The following PRDM10 variants were observed in gnomAD, a reference collection of about 807,000 sequenced individuals.
PRDM10 encodes PR domain zinc finger protein 10.
PRDM10 carries 65 observed loss-of-function variants against 133.1 expected under a neutral mutation model. That is an observed-to-expected ratio of 0.49 (90% CI 0.40 to 0.60). The LOEUF is 0.60. Ranked by LOEUF, PRDM10 falls within the 20% of genes least tolerant of loss-of-function variation. The pLI is 0.00. For synonymous variants in PRDM10, 582 were observed against 580.4 expected, an observed-to-expected ratio of 1.00 and a Z score of -0.04; for missense variants, 1,137 against 1,507.1, an observed-to-expected ratio of 0.75 and a Z score of 4.07.
intron 13 of PRDM10, among the ~76,000 whole-genome samples, chr11:129,921,169 C>G (rs1950513606): frequency 6.6e-6 from 1 of 152,126 alleles, no homozygotes; most frequent in Non-Finnish European, 1.5e-5. Context: ...CAATGCTGCC[C>G]TCATGGAGCT....
chr11:129,985,147 T>C (rs1403954118), intron 1 of PRDM10, among the ~76,000 whole-genome samples: 1 of 152,132 alleles, frequency 6.6e-6, no homozygotes, highest in Non-Finnish European at 1.5e-5. Flanking sequence ...TATAGTGCAG[T>C]CTTCTGCTTA....
intron 7 of PRDM10, among the ~76,000 whole-genome samples, chr11:129,939,251 C>T (rs1951131849): frequency 6.6e-6 from 1 of 152,186 alleles, no homozygotes. Flanking sequence ...GGGTCTCAAA[C>T]ACAGTAAGAG....
chr11:129,906,310 C>T (rs1394682413), intron 19 of PRDM10, among the ~76,000 whole-genome samples: 1 of 152,112 alleles, frequency 6.6e-6, no homozygotes, highest in Non-Finnish European at 1.5e-5. Context: ...CGTGTCTTCC[C>T]AGCACACAAG....
rs373917620 is a variant in PRDM10 at position 129,972,027 on chromosome 11, G to A, written c.-118-10945C>T. ...GAGAAATCGAGTGCAGCGCCAGTGGGCCGGGACCCAGTACACCCTCCGCAG... is the reference window on the plus strand; with the variant it reads ...GAGAAATCGAGTGCAGCGCCAGTGGACCGGGACCCAGTACACCCTCCGCAG... On this transcript the variant is annotated intron_variant, in intron 1 of 20. Coordinates refer to ENST00000360871, the MANE Select transcript of PRDM10 (RefSeq NM_199437.2). Among the ~76,000 whole-genome samples the A allele has an allele frequency of 1.1e-4, 17 of 152,336 alleles. No homozygotes were observed. In the East Asian group the frequency reaches 1.9e-3, roughly 17 times the overall value.
At chr11:129,977,940 G>A (rs551368953) in intron 1 of PRDM10, among the ~76,000 whole-genome samples, 22 of 150,990 alleles carry the variant, frequency 1.5e-4, no homozygotes, top group Admixed American at 6.0e-4. Context: ...CAGCCTGGGC[G>A]ACAGAGTGAG....
chr11:129,914,770 C>T lies in PRDM10; in HGVS notation c.2775G>A (p.Val925=), dbSNP rs753210538. The change falls in exon 17 of 21, where the codon GTG becomes GTA. Residue 925 remains valine (V), a synonymous_variant. Coordinates refer to ENST00000360871, the MANE Select transcript of PRDM10 (RefSeq NM_199437.2). ...GDYQRIQYIP[V]SQSASGLQQP... Reference sequence around the variant, plus strand: ...GCTGGAGGCCAGACGCCGACTGCGACACAGGGATGTACTGAATTCTCTGGT... The same window carrying T: ...GCTGGAGGCCAGACGCCGACTGCGATACAGGGATGTACTGAATTCTCTGGT... 3 of 1,614,124 alleles carry T rather than the reference C, an allele frequency of 1.9e-6. No homozygotes were observed. The highest frequency in any genetic ancestry group is 4.5e-5 in the East Asian group (2 of 44,890).
At chr11:129,963,726 A>G (rs1000758105) in intron 1 of PRDM10, among the ~76,000 whole-genome samples, 1 of 152,196 alleles carries the variant, frequency 6.6e-6, no homozygotes, top group Non-Finnish European at 1.5e-5. Context: ...CTTAAAAACA[A>G]GAAGATTTTC....
intron 1 of PRDM10, among the ~76,000 whole-genome samples, chr11:129,986,234 C>G (rs1938435578): frequency 6.6e-6 from 1 of 151,150 alleles, no homozygotes; most frequent in African/African-American, 2.5e-5. Context: ...AGGATGGCAA[C>G]AAGAATGGTT....
At chr11:129,915,589 A>G in intron 16 of PRDM10, 71 bp downstream of exon 16, 1 of 1,480,294 alleles carries the variant, frequency 6.8e-7, no homozygotes. Flanking sequence ...TGTGGATGAG[A>G]AGCCACCTTT....
chr11:129,982,481 T>A (rs1001780731), intron 1 of PRDM10, among the ~76,000 whole-genome samples: 1 of 152,038 alleles, frequency 6.6e-6, no homozygotes, highest in Non-Finnish European at 1.5e-5. Flanking sequence ...TTATTTATGA[T>A]GTAGAAAGAT....
At chr11:129,927,148 A>C (rs191082985) in intron 11 of PRDM10, among the ~76,000 whole-genome samples, 1 of 118,456 alleles carries the variant, frequency 8.4e-6, no homozygotes, top group East Asian at 2.9e-4. Context: ...TGAACCTGGG[A>C]GGTGGAGGTT....
chr11:129,967,612 C>T (rs534107971), intron 1 of PRDM10, among the ~76,000 whole-genome samples: 2 of 152,116 alleles, frequency 1.3e-5, no homozygotes, highest in Admixed American at 6.6e-5. Context: ...TTTTTTAGTA[C>T]ATGGCAAGCA....
Position 129,910,523 on chromosome 11 carries a change from AC to A in PRDM10, c.3115del (p.Val1039CysfsTer22). On this transcript the variant is annotated frameshift_variant, in exon 19 of 21. Coordinates refer to ENST00000360871, the MANE Select transcript of PRDM10 (RefSeq NM_199437.2). LOFTEE classifies it high-confidence loss of function. The stretch of plus-strand genomic sequence containing the variant: ...AGCACTGGGCAGGTACGTGTGCTGC[AC>A]AGAGGAATTCTGCTGCTGCTGCTGC... ...QQQQQQQNSSVQHTYLPSAWN... is the reference protein window; with the variant it reads ...QQQQQQQNSSXQHTYLPSAWN... 1.2e-6 allele frequency: 2 copies of A among 1,614,132 alleles called. No homozygotes were observed. Among genetic ancestry groups the A allele is most frequent in the Non-Finnish European group, 1.7e-6 (2 of 1,180,022 alleles).
chr11:129,937,967 T>C (rs1273366160), intron 7 of PRDM10, among the ~76,000 whole-genome samples: 2 of 152,198 alleles, frequency 1.3e-5, no homozygotes, highest in African/African-American at 4.8e-5. Flanking sequence ...CAGCCTCCCC[T>C]GATTTCTTAT....
At chr11:129,909,770 G>A (rs1414708645) in intron 19 of PRDM10, among the ~76,000 whole-genome samples, 1 of 152,164 alleles carries the variant, frequency 6.6e-6, no homozygotes, top group Non-Finnish European at 1.5e-5. Context: ...CTGTCAGCCA[G>A]CCTGCTACTG....
chr11:129,954,205 T>C (rs1383280482), intron 4 of PRDM10, among the ~76,000 whole-genome samples: 1 of 151,098 alleles, frequency 6.6e-6, no homozygotes. Context: ...ATACAAATCT[T>C]CTACCAAGAA....
At position 129,923,219 on chromosome 11, in the gene PRDM10, C is replaced by T; in HGVS notation, c.2034+29G>A. On this transcript the variant is annotated intron_variant, in intron 13 of 20. Transcript: ENST00000360871. This position sits in a 1 kb window ranked among gnomAD's most constrained non-coding sequence, Gnocchi z 4.4. ...GCTATAATTCCAGTGGCCACGAGAACCACCTTGGGCTGTGCCTTGGTGTCA... is the reference window on the plus strand; with the variant it reads ...GCTATAATTCCAGTGGCCACGAGAATCACCTTGGGCTGTGCCTTGGTGTCA... 6.5e-7 allele frequency: 1 copy of T among 1,534,956 alleles called. No homozygotes were observed. The highest frequency in any genetic ancestry group is 8.8e-7 in the Non-Finnish European group (1 of 1,137,732).
intron 1 of PRDM10, among the ~76,000 whole-genome samples, chr11:129,971,008 C>T (rs925800091): frequency 5.9e-5 from 9 of 152,198 alleles, no homozygotes; most frequent in Middle Eastern, 3.4e-3. Flanking sequence ...AAGCCACGTA[C>T]CCTCGCGATG....
intron 2 of PRDM10, among the ~76,000 whole-genome samples, chr11:129,958,909 T>C (rs2135919296): frequency 6.6e-6 from 1 of 152,332 alleles, no homozygotes; most frequent in South Asian, 2.1e-4. Context: ...GTAAAACACT[T>C]TCTGAGTGGT....
Sources: allele counts gnomAD v4.1 joint callset (sites outside exome capture counted in the v4.1 genomes callset), GRCh38; gene constraint gnomAD v4.1.1; non-coding constraint Gnocchi (gnomAD v3.1); transcripts MANE v1.5; gene names NCBI Gene and HGNC (gene_info 2026-07-23, HGNC 2026-07-21).